Variants in IQCK observed in about 807,000 individuals in gnomAD.
IQCK encodes the protein IQ motif containing K.
IQCK carries 29 observed loss-of-function variants against 28.1 expected under a neutral mutation model. The observed-to-expected ratio is 1.03, with a 90% CI of 0.77 to 1.41. The LOEUF (loss-of-function observed/expected upper bound fraction) is 1.41, where lower values mean the gene tolerates loss of function less well. Among genes scored for constraint, IQCK ranks in the 40% most tolerant of loss-of-function variants. The pLI, the probability that IQCK is intolerant of heterozygous loss-of-function variation, is 0.00. For missense variants in IQCK, 359 were observed against 314.7 expected, an observed-to-expected ratio of 1.14 and a Z score of -1.07; for synonymous variants, 113 against 115.1, an observed-to-expected ratio of 0.98 and a Z score of 0.12.
chr16:19,783,501 G>A (rs578160983), intron 6 of IQCK, among the ~76,000 whole-genome samples: 2 of 152,198 alleles, frequency 1.3e-5, no homozygotes, highest in African/African-American at 4.8e-5. Flanking sequence ...TTCTGTGATT[G>A]ACGTGTTCAT....
At chr16:19,735,121 T>C (rs1220574967) in intron 3 of IQCK, among the ~76,000 whole-genome samples, 2 of 152,200 alleles carry the variant, frequency 1.3e-5, no homozygotes, top group Non-Finnish European at 1.5e-5. Flanking sequence ...CTGGTGGACC[T>C]GGCCTTATGT....
downstream of IQCK, among the ~76,000 whole-genome samples, chr16:19,829,459 C>T (rs1394585955): frequency 6.6e-6 from 1 of 152,136 alleles, no homozygotes; most frequent in East Asian, 1.9e-4. Flanking sequence ...GCCTCAGCCT[C>T]CCAAGTAGCT....
At chr16:19,827,850 G>GTC (rs1309707408), downstream of IQCK, among the ~76,000 whole-genome samples, 1 of 151,952 alleles carries the variant, frequency 6.6e-6, no homozygotes, top group African/African-American at 2.4e-5. Context: ...GACTTCCTAG[G>GTC]TCTCTAGCTT....
At chr16:19,815,357 T>C (rs190716841) in intron 7 of IQCK, among the ~76,000 whole-genome samples, 2 of 152,214 alleles carry the variant, frequency 1.3e-5, no homozygotes, top group African/African-American at 4.8e-5. Context: ...TTTTACAAAT[T>C]AGATCCTTAA....
rs146474579 is a variant in IQCK at position 19,731,291 on chromosome 16, G to A, written c.246+797G>A. On this transcript the variant is annotated intron_variant, in intron 2 of 7. Transcript: ENST00000564186. ...CCTTGGAATTAGATAGGAGCTTAAC[G>A]GAGTTTAAAATTTTTAAAAAGCAAG... is the stretch of plus-strand genomic sequence containing the variant. Among the ~76,000 whole-genome samples, 389 of 152,278 alleles carry A rather than the reference G, an allele frequency of 2.6e-3. 2 individuals are homozygous for A. Among genetic ancestry groups the A allele is most frequent in the African/African-American group, 8.8e-3 (367 of 41,558 alleles).
intron 4 of IQCK, among the ~76,000 whole-genome samples, chr16:19,738,478 T>C (rs758617219): frequency 3.9e-5 from 6 of 152,172 alleles, no homozygotes; most frequent in Non-Finnish European, 7.4e-5. Context: ...GCGCAGCAGT[T>C]AAGAGCAACA....
intron 7 of IQCK, among the ~76,000 whole-genome samples, chr16:19,819,331 A>G (rs914742584): frequency 6.6e-6 from 1 of 152,066 alleles, no homozygotes; most frequent in African/African-American, 2.4e-5. Flanking sequence ...CGTCTCTACT[A>G]AAAATACAAA....
At chr16:19,815,130 T>G (rs2055968809) in intron 7 of IQCK, among the ~76,000 whole-genome samples, 1 of 152,166 alleles carries the variant, frequency 6.6e-6, no homozygotes, top group African/African-American at 2.4e-5. Flanking sequence ...TCATTTTCTG[T>G]ATTTTCCATT....
rs748558332 is a variant in IQCK, at chr16:19,763,846, A to G, written c.475-2A>G. Reference sequence around the variant, plus strand: ...TAATTTAATTATCTCTTCTCTCTTCAGAGGAAAAGAACCAAATTCATTGCC... The same window carrying G: ...TAATTTAATTATCTCTTCTCTCTTCGGAGGAAAAGAACCAAATTCATTGCC... On this transcript the variant is annotated splice_acceptor_variant, in intron 4 of 7. Transcript: ENST00000564186. LOFTEE classifies it high-confidence loss of function. 1 of 1,609,504 alleles carries G rather than the reference A, an allele frequency of 6.2e-7. No individual in the cohort carries two copies. The highest frequency in any genetic ancestry group is 8.5e-7 in the Non-Finnish European group (1 of 1,175,826).
chr16:19,783,613 G>A (rs116816834), intron 6 of IQCK, among the ~76,000 whole-genome samples: 5 of 152,210 alleles, frequency 3.3e-5, no homozygotes, highest in African/African-American at 7.2e-5. Context: ...AGGGCCTGGC[G>A]TGGCTTCTCT....
At chr16:19,816,941 C>T (rs761041209) in intron 7 of IQCK, among the ~76,000 whole-genome samples, 15 of 152,218 alleles carry the variant, frequency 9.9e-5, no homozygotes, top group Admixed American at 2.6e-4. Context: ...AATTGAGGCT[C>T]AGGGAGTTTA....
chr16:19,740,966 T>TTA (rs374645276), intron 4 of IQCK, among the ~76,000 whole-genome samples: 2 of 129,248 alleles, frequency 1.5e-5, no homozygotes, highest in Non-Finnish European at 3.3e-5. Context: ...AGACTCCATC[T>TTA]AAAAAAAAAA....
At chr16:19,814,344 G>T (rs918142586) in intron 7 of IQCK, among the ~76,000 whole-genome samples, 6 of 151,814 alleles carry the variant, frequency 4.0e-5, no homozygotes, top group Non-Finnish European at 8.8e-5. Flanking sequence ...GGAAGAGGTT[G>T]CAGTGAGCCG....
intron 4 of IQCK, among the ~76,000 whole-genome samples, chr16:19,743,735 T>C (rs1436879025): frequency 6.6e-6 from 1 of 152,218 alleles, no homozygotes; most frequent in Non-Finnish European, 1.5e-5. Context: ...TCCACTCTGA[T>C]GGTCAGTCAC....
At chr16:19,731,256 G>A (rs1052150115) in intron 2 of IQCK, among the ~76,000 whole-genome samples, 3 of 152,192 alleles carry the variant, frequency 2.0e-5, no homozygotes, top group Admixed American at 6.5e-5. Context: ...AGAGGCCCTC[G>A]TGAAGTCTAC....
At position 19,815,078 on chromosome 16, in the gene IQCK, C is replaced by T. The variant is rs532526029; in HGVS notation, c.691-11948C>T. On this transcript the variant is annotated intron_variant, in intron 7 of 7. Transcript: ENST00000564186. ...CTGGGATTATAGGCGTGAGCCACTACGCCTGGCCTGGAGAGGGTCCTTAAT... is the reference window on the plus strand; with the variant it reads ...CTGGGATTATAGGCGTGAGCCACTATGCCTGGCCTGGAGAGGGTCCTTAAT... 5.9e-5 allele frequency among the ~76,000 whole-genome samples: 9 copies of T among 152,252 alleles called. No individual in the cohort carries two copies. The South Asian group carries it at 6.2e-4, about 11-fold the overall frequency.
intron 1 of IQCK, among the ~76,000 whole-genome samples, chr16:19,727,327 C>G (rs544990498): frequency 6.6e-6 from 1 of 152,094 alleles, no homozygotes; most frequent in South Asian, 2.1e-4. Context: ...TTAGTAAATA[C>G]ATTGGAATCC....
chr16:19,806,716 A>C (rs373698905), intron 7 of IQCK, among the ~76,000 whole-genome samples: 1,103 of 8,590 alleles, frequency 0.13, 14 homozygotes, highest in African/African-American at 0.3. Context: ...CCCACCCCCC[A>C]AAAAAAGAAA....
chr16:19,856,542 ATC>A lies in IQCK; in HGVS notation c.860_861del (p.Ser287LeufsTer24), dbSNP rs778749853. 1.1e-5 allele frequency: 18 copies of A among 1,613,592 alleles called. No homozygotes were observed. The Middle Eastern group carries it at 6.6e-4, about 59-fold the overall frequency. ...CTGCAGCCAAGATGAAAATTCCATC[ATC>A]TTAACCATAGCTAAGACGTATCTTT... On this transcript the variant is annotated frameshift_variant, in exon 10 of 10. Transcript: ENST00000320394. LOFTEE classifies it high-confidence loss of function.
Sources: allele counts gnomAD v4.1 joint callset (sites outside exome capture counted in the v4.1 genomes callset), GRCh38; gene constraint gnomAD v4.1.1; transcripts MANE v1.5; gene names NCBI Gene and HGNC (gene_info 2026-07-23, HGNC 2026-07-21).